TMEM135: variants seen among roughly 807,000 people sequenced by gnomAD.
The protein encoded by TMEM135 is peroxisomal membrane protein 52.
TMEM135 carries 30 observed loss-of-function variants against 60.3 expected under a neutral mutation model. The ratio of observed to expected loss-of-function variants is 0.50; its 90% CI spans 0.37 to 0.68. TMEM135 has a LOEUF of 0.68. Among genes scored for constraint, TMEM135 ranks in the 30% least tolerant of loss-of-function variants. The probability of loss-of-function intolerance (pLI) is 0.00; values close to 1 mark genes in which losing one functional copy is unlikely to be tolerated. For missense variants in TMEM135, 468 were observed against 548.8 expected, an observed-to-expected ratio of 0.85 and a Z score of 1.47; for synonymous variants, 190 against 186.7, an observed-to-expected ratio of 1.02 and a Z score of -0.14.
Position 87,323,419 on chromosome 11 carries a change from G to C in TMEM135, c.*2086G>C, listed in dbSNP as rs1337712053. On this transcript the variant is annotated 3_prime_UTR_variant, in exon 15 of 15. Transcript: ENST00000305494. ...GTTTGAGCAAACACAAAGAAACTTT[G>C]TGTTTTTGAAGACAATCAGAATGAT... The C allele has an allele frequency of 2.2e-6, 1 of 453,930 alleles. No homozygotes were observed. 28.1% of individuals were successfully genotyped at this position (453,930 alleles called of 1,614,324 possible). A position where few individuals can be genotyped will look rare whatever the true frequency, so the allele number is the denominator to read the frequency against.
chr11:87,140,677 A>G (rs1938238394), intron 4 of TMEM135, among the ~76,000 whole-genome samples: 1 of 152,090 alleles, frequency 6.6e-6, no homozygotes, highest in Non-Finnish European at 1.5e-5. Context: ...TTGTTTTTTT[A>G]TCCCCAATGT....
chr11:87,231,579 A>G (rs1388400474), intron 5 of TMEM135, among the ~76,000 whole-genome samples: 6 of 152,204 alleles, frequency 3.9e-5, no homozygotes, highest in Admixed American at 3.9e-4. Flanking sequence ...ACATCCATTA[A>G]GGTAAAATTT....
At chr11:87,144,280 T>A (rs1938344442) in intron 4 of TMEM135, among the ~76,000 whole-genome samples, 1 of 152,184 alleles carries the variant, frequency 6.6e-6, no homozygotes, top group Admixed American at 6.5e-5. Context: ...AAATACGGTG[T>A]TTTTGTGTTA....
At chr11:87,118,669 C>T (rs572187402) in intron 4 of TMEM135, among the ~76,000 whole-genome samples, 4 of 152,224 alleles carry the variant, frequency 2.6e-5, no homozygotes, top group Admixed American at 1.3e-4. Context: ...AAGCTGCTCT[C>T]CTGACCTCAT....
At chr11:87,122,509 G>T (rs1937619884) in intron 4 of TMEM135, among the ~76,000 whole-genome samples, 1 of 149,254 alleles carries the variant, frequency 6.7e-6, no homozygotes. Flanking sequence ...TGCCCAGGCT[G>T]GAGTGCAGTG....
At chr11:87,194,409 G>A (rs1300138392) in intron 5 of TMEM135, among the ~76,000 whole-genome samples, 1 of 152,148 alleles carries the variant, frequency 6.6e-6, no homozygotes, top group African/African-American at 2.4e-5. Context: ...ATCGTTTAGT[G>A]GGCAAAGACT....
intron 4 of TMEM135, among the ~76,000 whole-genome samples, chr11:87,134,073 C>A (rs2135236163): frequency 6.6e-6 from 1 of 151,908 alleles, no homozygotes; most frequent in Admixed American, 6.6e-5. Context: ...GCTGCCATAA[C>A]AAGTAACACA....
At chr11:87,199,827 G>T (rs1940053584) in intron 5 of TMEM135, among the ~76,000 whole-genome samples, 1 of 152,190 alleles carries the variant, frequency 6.6e-6, no homozygotes, top group South Asian at 2.1e-4. Flanking sequence ...CTACTAGGGA[G>T]GCTGAGGCAG....
intron 1 of TMEM135, among the ~76,000 whole-genome samples, chr11:87,041,140 C>G (rs996814116): frequency 3.9e-5 from 6 of 152,040 alleles, no homozygotes; most frequent in African/African-American, 1.4e-4. Context: ...TGTGCTTAGT[C>G]CTTTACGTAT....
At chr11:87,247,991 C>A (rs1228707937) in intron 6 of TMEM135, among the ~76,000 whole-genome samples, 1 of 149,206 alleles carries the variant, frequency 6.7e-6, no homozygotes, top group African/African-American at 2.5e-5. Flanking sequence ...CCTATTCAGC[C>A]ATCTTGGCTG....
chr11:87,094,575 A>G (rs1434024301), intron 4 of TMEM135, among the ~76,000 whole-genome samples: 2 of 152,048 alleles, frequency 1.3e-5, no homozygotes, highest in Non-Finnish European at 2.9e-5. Flanking sequence ...GTGTGGTGGT[A>G]TGGGCCTGTA....
intron 1 of TMEM135, among the ~76,000 whole-genome samples, chr11:87,057,507 T>C (rs1949904782): frequency 6.6e-6 from 1 of 152,182 alleles, no homozygotes; most frequent in African/African-American, 2.4e-5. Flanking sequence ...ATCTGAGTTT[T>C]TGTTTTGCTT....
chr11:87,139,594 A>C (rs987913761), intron 4 of TMEM135, among the ~76,000 whole-genome samples: 1 of 152,178 alleles, frequency 6.6e-6, no homozygotes, highest in Non-Finnish European at 1.5e-5. Flanking sequence ...CCTCATGGTA[A>C]GTATATGTTT....
rs10655114 is a variant in TMEM135 at position 87,274,786 on chromosome 11, C to CTGTGTGTGTGTGTGTG, written c.510-20968_510-20953dup. 6.5e-3 allele frequency among the ~76,000 whole-genome samples: 836 copies of CTGTGTGTGTGTGTGTG among 129,278 alleles called. 8 individuals are homozygous for CTGTGTGTGTGTGTGTG. Among genetic ancestry groups the CTGTGTGTGTGTGTGTG allele is most frequent in the Non-Finnish European group, 9.1e-3 (573 of 62,744 alleles). 84.8% of individuals were successfully genotyped at this position (129,278 alleles called of 152,430 possible). ...AACCAGCCTGGGCAACATAGCAAGA[C>CTGTGTGTGTGTGTGTG]TGTGTGTGTGTGTGTGTGTGTGTGT... On this transcript the variant is annotated intron_variant, in intron 6 of 14. Coordinates refer to ENST00000305494, the MANE Select transcript of TMEM135 (RefSeq NM_022918.4).
intron 5 of TMEM135, among the ~76,000 whole-genome samples, chr11:87,235,670 T>C (rs1469558474): frequency 6.6e-6 from 1 of 152,010 alleles, no homozygotes; most frequent in Non-Finnish European, 1.5e-5. Flanking sequence ...TGACGATTCT[T>C]AGGCTTAATT....
At chr11:87,057,805 GTGTGTGTGTGTT>G (rs1378765330) in intron 1 of TMEM135, among the ~76,000 whole-genome samples, 2 of 151,974 alleles carry the variant, frequency 1.3e-5, no homozygotes, top group African/African-American at 4.8e-5. Flanking sequence ...CTGTGTGTGT[GTGTGTGTGTGTT>G]TGTGTGTGTG....
In TMEM135 at chr11:87,194,426, A is replaced by C. The variant is rs1939885418; in HGVS notation, c.462+37020A>C. The stretch of plus-strand genomic sequence containing the variant: ...CGTTTAGTGGGCAAAGACTTTTGAA[A>C]TTCTCTTGTACTATCCTGTGTCAGA... On this transcript the variant is annotated intron_variant, in intron 5 of 14. Coordinates refer to ENST00000305494, the MANE Select transcript of TMEM135 (RefSeq NM_022918.4). 2.0e-5 allele frequency among the ~76,000 whole-genome samples: 3 copies of C among 152,284 alleles called. No homozygotes were observed. In the South Asian group the frequency reaches 6.2e-4, roughly 32 times the overall value.
At chr11:87,139,018 G>A (rs779265453) in intron 4 of TMEM135, among the ~76,000 whole-genome samples, 1 of 152,110 alleles carries the variant, frequency 6.6e-6, no homozygotes, top group Admixed American at 6.6e-5. Flanking sequence ...TTCATCTCTA[G>A]TATTTATTAC....
At chr11:87,296,302 G>A (rs146989800) in intron 7 of TMEM135, among the ~76,000 whole-genome samples, 28 of 152,186 alleles carry the variant, frequency 1.8e-4, no homozygotes, top group Admixed American at 1.2e-3. Flanking sequence ...AGAAATGTTC[G>A]TTAGCATTAG....
Sources: allele counts gnomAD v4.1 joint callset (sites outside exome capture counted in the v4.1 genomes callset), GRCh38; gene constraint gnomAD v4.1.1; transcripts MANE v1.5; gene names NCBI Gene and HGNC (gene_info 2026-07-23, HGNC 2026-07-21).